Variants in TRANK1 observed in about 807,000 individuals in gnomAD.
The protein encoded by TRANK1 is TPR and ankyrin repeat-containing protein 1.
Under a neutral mutation model 266.0 loss-of-function variants are expected in TRANK1, and 198 were observed. The ratio of observed to expected loss-of-function variants is 0.74; its 90% confidence interval spans 0.66 to 0.84. The LOEUF is 0.84. TRANK1 is among the 40% of genes least tolerant of loss of function. TRANK1 has a pLI of 0.00. For missense variants in TRANK1, 3,326 were observed against 3,634.6 expected (o/e 0.92, Z 2.18); for synonymous variants, 1,396 against 1,384.1 (o/e 1.01, Z -0.19).
At chr3:36,853,112 G>A (rs1194362102) in intron 13 of TRANK1, among the ~76,000 whole-genome samples, 5 of 152,178 alleles carry the variant, frequency 3.3e-5, no homozygotes, top group Non-Finnish European at 4.4e-5. Context: ...TTGGCTTAAT[G>A]CCTATCATAC....
Position 36,830,867 on chromosome 3 carries a change from C to T in TRANK1, c.8710+6G>A, listed in dbSNP as rs911370482. The T allele has an allele frequency of 5.0e-6, 8 of 1,592,342 alleles. No individual in the cohort carries two copies. The highest frequency in any genetic ancestry group is 6.9e-6 in the Non-Finnish European group (8 of 1,166,690). On this transcript the variant is annotated splice_donor_region_variant and intron_variant, in intron 22 of 23. Transcript: ENST00000645898. ...TGCCTGGGCCCCCATCTCTGCAGAC[C>T]CTTACCGCCAGCCCAGGCCTTCCGC... is the stretch of plus-strand genomic sequence containing the variant.
upstream of TRANK1, among the ~76,000 whole-genome samples, chr3:36,945,664 C>T (rs73826920): frequency 7.8e-3 from 1,195 of 152,296 alleles, 19 homozygotes; most frequent in African/African-American, 0.027. Context: ...GAGAGGACCA[C>T]CTCTGGCTGC....
intron 8 of TRANK1, among the ~76,000 whole-genome samples, chr3:36,881,403 C>T (rs1250198312): frequency 2.0e-5 from 3 of 151,766 alleles, no homozygotes; most frequent in South Asian, 4.2e-4. Context: ...GAGCAGAGAT[C>T]GCACCACTGC....
chr3:36,861,278 T>C, intron 10 of TRANK1, 118 bp from the exon 11 acceptor site: 2 of 1,291,718 alleles, frequency 1.5e-6, no homozygotes, highest in Non-Finnish European at 2.1e-6. Context: ...AAGTAGTTGA[T>C]TATTTGGGCC....
At chr3:36,853,555 T>C (rs1343895423) in intron 13 of TRANK1, among the ~76,000 whole-genome samples, 1 of 152,134 alleles carries the variant, frequency 6.6e-6, no homozygotes, top group Admixed American at 6.5e-5. Context: ...CAAATATATA[T>C]CTACATTAAC....
intron 20 of TRANK1, 62 bp from the exon 21 acceptor site, chr3:36,834,969 C>A: frequency 7.0e-7 from 1 of 1,430,700 alleles, no homozygotes; most frequent in Non-Finnish European, 9.4e-7. Context: ...TAATCTTAAA[C>A]CAATACCACA....
At chr3:36,941,787 C>T (rs763439551) in intron 1 of TRANK1, among the ~76,000 whole-genome samples, 3 of 152,208 alleles carry the variant, frequency 2.0e-5, no homozygotes, top group Non-Finnish European at 4.4e-5. Context: ...GTCTTTCTTT[C>T]CTGTAAAGAT....
rs192975670 is a variant in TRANK1 at position 36,896,925 on chromosome 3, C to T, written c.434-1167G>A. ...AGGAGAATCGCTTGAACCCAGGAGTCGGAGGTTGCAGTGAGCAGAGATCGC... is the reference window on the plus strand; with the variant it reads ...AGGAGAATCGCTTGAACCCAGGAGTTGGAGGTTGCAGTGAGCAGAGATCGC... On this transcript the variant is annotated intron_variant, in intron 4 of 23. Transcript: ENST00000645898. Among the ~76,000 whole-genome samples the T allele has an allele frequency of 2.7e-3, 409 of 151,928 alleles. 2 individuals carry two copies. The highest frequency in any genetic ancestry group is 9.3e-3 in the African/African-American group (384 of 41,416).
chr3:36,861,022 T>C lies in TRANK1; in HGVS notation c.1379A>G (p.Asp460Gly). The C allele has an allele frequency of 6.5e-7, 1 of 1,537,856 alleles. No individual in the cohort carries two copies. Among genetic ancestry groups the C allele is most frequent in the Non-Finnish European group, 8.7e-7 (1 of 1,147,054 alleles). The change falls in exon 11 of 24, where the codon GAT (aspartate) becomes GGT (glycine). Residue 460 changes from aspartate (D) to glycine (G), a missense_variant. Asp to Gly is a moderately conservative substitution (Grantham distance 94). Transcript: ENST00000645898. The part of the protein sequence containing the change: ...RKVSGEPPLG[D>G]CLIKDCNFSD... ...GAAGTTGCAGTCTTTGATGAGGCAA[T>C]CCCCAAGCGGTGGTTCTCCACTTAC...
chr3:36,935,406 T>C (rs2080411270), intron 1 of TRANK1, among the ~76,000 whole-genome samples: 1 of 151,262 alleles, frequency 6.6e-6, no homozygotes, highest in African/African-American at 2.4e-5. Context: ...TGCCAGACAC[T>C]AATTTGTTTT....
chr3:36,894,179 G>T (rs1437822737), intron 5 of TRANK1, among the ~76,000 whole-genome samples: 3 of 152,140 alleles, frequency 2.0e-5, no homozygotes, highest in Admixed American at 6.5e-5. Flanking sequence ...TTGACTGGCT[G>T]GGATAATAAT....
intron 1 of TRANK1, among the ~76,000 whole-genome samples, chr3:36,937,096 C>CA (rs944222473): frequency 5.9e-5 from 9 of 152,218 alleles, no homozygotes; most frequent in African/African-American, 2.2e-4. Flanking sequence ...GGTTCCGTCT[C>CA]AAAAAATATA....
rs2079046533 is a variant in TRANK1 at position 36,855,975 on chromosome 3, C to T, written c.3747G>A (p.Leu1249=). The T allele has an allele frequency of 6.2e-7, 1 of 1,613,648 alleles. No homozygotes were observed. The highest frequency in any genetic ancestry group is 1.3e-5 in the African/African-American group (1 of 74,934). ...GCAGAGAAGCATCAAGCAGAAGAAG[C>T]AGCTGCTTGGAAGTGACAAACAGAG... ...NFPLFVTSKQ[L]LLLLDASLPK... Residue 1249 remains leucine, a synonymous_variant, in exon 13 of 24, where the codon CTG becomes CTA. Transcript: ENST00000645898.
chr3:36,911,570 T>G (rs2080053333), intron 1 of TRANK1, among the ~76,000 whole-genome samples: 1 of 152,202 alleles, frequency 6.6e-6, no homozygotes, highest in Non-Finnish European at 1.5e-5. Flanking sequence ...CCACCTATGT[T>G]TCTGCTTTTT....
At chr3:36,932,750 T>G (rs2080376822) in intron 1 of TRANK1, among the ~76,000 whole-genome samples, 8 of 152,186 alleles carry the variant, frequency 5.3e-5, no homozygotes, top group Admixed American at 5.2e-4. Flanking sequence ...CTTAACAAAC[T>G]AATAAGAGCA....
rs771135781 is a variant in TRANK1 at position 36,858,798 on chromosome 3, C to T, written c.1592G>A (p.Gly531Asp). The change falls in exon 12 of 24, where the codon GGC (glycine) becomes GAC (aspartate). Residue 531 changes from glycine to aspartate, a missense_variant. Gly to Asp is a moderately conservative substitution (Grantham distance 94, BLOSUM62 -1). Coordinates refer to ENST00000645898, the MANE Select transcript of TRANK1 (RefSeq NM_001329998.2). ...FELAFLLLTKGADPRAISLTE... is the reference protein window; with the variant it reads ...FELAFLLLTKDADPRAISLTE... ...GAGAGAAATAGCACGGGGGTCTGCG[C>T]CCTTGGTCAAGAGAAGGAAAGCCAA... 1.0e-5 allele frequency: 16 copies of T among 1,537,216 alleles called. No homozygotes were observed. Among genetic ancestry groups the T allele is most frequent in the Non-Finnish European group, 1.1e-5 (13 of 1,146,888 alleles).
Position 36,885,229 on chromosome 3 carries a change from G to A in TRANK1, c.907+4600C>T, listed in dbSNP as rs189006038. Among the ~76,000 whole-genome samples, 500 of 152,276 alleles carry A rather than the reference G, an allele frequency of 3.3e-3. 5 individuals are homozygous for A. Among genetic ancestry groups the A allele is most frequent in the Non-Finnish European group, 2.6e-3 (174 of 68,018 alleles). The stretch of plus-strand genomic sequence containing the variant: ...ATAATCAAGGTTAACATGATAAGAA[G>A]TATTGACATCATGAACCCCTTGGTA... On this transcript the variant is annotated intron_variant, in intron 8 of 23. Coordinates refer to ENST00000645898, the MANE Select transcript of TRANK1 (RefSeq NM_001329998.2).
Position 36,832,782 on chromosome 3 carries a change from G to A in TRANK1, c.6801C>T (p.Ser2267=), listed in dbSNP as rs1204781890. 6.2e-7 allele frequency: 1 copy of A among 1,613,986 alleles called. No homozygotes were observed. Among genetic ancestry groups the A allele is most frequent in the Non-Finnish European group, 8.5e-7 (1 of 1,179,892 alleles). ...LSTDMYGLCK[S]ILDVLFPKHF... ...GCTTAGGGAAAAGGACATCCAGAATGGACTTGCAAAGGCCATACATATCTG... is the reference window on the plus strand; with the variant it reads ...GCTTAGGGAAAAGGACATCCAGAATAGACTTGCAAAGGCCATACATATCTG... Residue 2267 remains serine (S), a synonymous_variant, in exon 22 of 24, where the codon TCC becomes TCT. Coordinates refer to ENST00000645898, the MANE Select transcript of TRANK1 (RefSeq NM_001329998.2).
intron 9 of TRANK1, among the ~76,000 whole-genome samples, chr3:36,869,588 GGA>G (rs2079276649): frequency 6.6e-6 from 1 of 152,080 alleles, no homozygotes; most frequent in African/African-American, 2.4e-5. Context: ...ATTAGGATGG[GGA>G]AGGATTAAGG....
Sources: gnomAD v4.1 joint callset for allele counts (sites outside exome capture counted in the v4.1 genomes callset) on GRCh38, gnomAD v4.1.1 for gene constraint, MANE v1.5 for transcripts, NCBI Gene and HGNC (gene_info 2026-07-23, HGNC 2026-07-21) for gene names.